NIPSNAP3B: variants seen among roughly 807,000 people sequenced by gnomAD.
The protein encoded by NIPSNAP3B is nipsnap homolog 3B, also known as protein NipSnap homolog 3B.
In NIPSNAP3B, 30 loss-of-function variants were observed where a neutral mutation model predicts 31.5. The observed-to-expected ratio is 0.95, with a 90% CI of 0.71 to 1.29. The LOEUF is 1.29. Among genes scored for constraint, NIPSNAP3B ranks in the 50% most tolerant of loss-of-function variants. The pLI, the probability that NIPSNAP3B is intolerant of heterozygous loss-of-function variation, is 0.00. For synonymous variants in NIPSNAP3B, 106 were observed against 107.9 expected (o/e 0.98, Z 0.11); for missense variants, 269 against 300.7 (o/e 0.89, Z 0.78).
rs762345917 is a variant in NIPSNAP3B at position 104,766,464 on chromosome 9, C to G, written c.200C>G (p.Ser67Cys). The G allele has an allele frequency of 3.7e-6, 6 of 1,613,812 alleles. No homozygotes were observed. The highest frequency in any genetic ancestry group is 5.1e-6 in the Non-Finnish European group (6 of 1,179,760). The change falls in exon 2 of 6, where the codon TCT (serine) becomes TGT (cysteine). Residue 67 changes from serine (S) to cysteine (C), a missense_variant. Ser to Cys is a moderately radical substitution (Grantham distance 112). Coordinates refer to ENST00000374762, the MANE Select transcript of NIPSNAP3B (RefSeq NM_018376.4). ...KKNIHLRTSY[S>C]ELVGFWSVEF... ...AACATTCATCTTCGGACCTCTTACT[C>G]TGAATTGGTTGGATTCTGGAGTGTA...
chr9:104,766,666 A>C, intron 2 of NIPSNAP3B, 131 bp downstream of exon 2: 1 of 843,542 alleles, frequency 1.2e-6, no homozygotes, highest in Non-Finnish European at 1.9e-6. Context: ...AAGCAATACC[A>C]AAAAAATAAA....
In NIPSNAP3B at chr9:104,769,700, A is replaced by C. The variant is rs1280693853; in HGVS notation, c.430+679A>C. 3.3e-5 allele frequency among the ~76,000 whole-genome samples: 5 copies of C among 152,198 alleles called. No homozygotes were observed. The East Asian group carries it at 9.6e-4, about 29-fold the overall frequency. ...CATGAAATTTTGTCACAGTTTTAAAATGTATAAACTTTTAAATATAAAAGT... is the reference window on the plus strand; with the variant it reads ...CATGAAATTTTGTCACAGTTTTAAACTGTATAAACTTTTAAATATAAAAGT... On this transcript the variant is annotated intron_variant, in intron 3 of 5. Transcript: ENST00000374762.
Position 104,773,197 on chromosome 9 carries a change from G to A in NIPSNAP3B, c.*124G>A. The A allele has an allele frequency of 3.3e-6, 3 of 919,204 alleles. No individual in the cohort carries two copies. The highest frequency in any genetic ancestry group is 3.4e-4 in the Middle Eastern group (1 of 2,980). 56.9% of individuals were successfully genotyped at this position (919,204 alleles called of 1,614,324 possible). A position where few individuals can be genotyped will look rare whatever the true frequency, so the allele number is the denominator to read the frequency against. ...AGGTGGTAAGTTAATTAGTTAATTT[G>A]CTGTGCTTCTTGCATTTTTGAAAGT... On this transcript the variant is annotated 3_prime_UTR_variant, in exon 6 of 6. Coordinates refer to ENST00000374762, the MANE Select transcript of NIPSNAP3B (RefSeq NM_018376.4).
intron 2 of NIPSNAP3B, among the ~76,000 whole-genome samples, chr9:104,767,342 C>G (rs1828110330): frequency 6.6e-6 from 1 of 152,084 alleles, no homozygotes; most frequent in African/African-American, 2.4e-5. Flanking sequence ...TGAAGCTGAC[C>G]TACCCCTGGT....
chr9:104,770,888 G>T lies in NIPSNAP3B; in HGVS notation c.470G>T (p.Gly157Val). 6.2e-7 allele frequency: 1 copy of T among 1,613,638 alleles called. No individual in the cohort carries two copies. The change falls in exon 4 of 6, where the codon GGG (glycine) becomes GTG (valine). Residue 157 changes from glycine (G) to valine (V), a missense_variant. Gly to Val is a moderately radical substitution (Grantham distance 109, BLOSUM62 -3). Transcript: ENST00000374762. ...GCTGTTTTTCAGATGAAACCTGGTG[G>T]GCCAGCTCTGTGGGGTGATGCATTT... ...ELAVFQMKPGGPALWGDAFER... is the reference protein window; with the variant it reads ...ELAVFQMKPGVPALWGDAFER...
chr9:104,788,584 A>G, the NIPSNAP3B span: 1 of 1,613,970 alleles, frequency 6.2e-7, no homozygotes, highest in East Asian at 2.2e-5. Context: ...AGGACAAGAA[A>G]ACTACTTAGA....
intron 4 of NIPSNAP3B, 30 bp downstream of exon 4, chr9:104,771,028 G>A (rs1828205124): frequency 6.2e-7 from 1 of 1,608,526 alleles, no homozygotes; most frequent in African/African-American, 1.3e-5. Context: ...CTATGAAGTT[G>A]CCATGTGTAT....
chr9:104,766,616 T>TGGTA, intron 2 of NIPSNAP3B, 81 bp downstream of exon 2: 3 of 1,345,210 alleles, frequency 2.2e-6, no homozygotes, highest in Non-Finnish European at 3.2e-6. Flanking sequence ...CTTGGATCTA[T>TGGTA]ATTACCATAG....
Position 104,776,126 on chromosome 9 carries a change from G to A in NIPSNAP3B, c.*3053G>A, listed in dbSNP as rs2472472. On this transcript the variant is annotated 3_prime_UTR_variant, in exon 6 of 6. Coordinates refer to ENST00000374762, the MANE Select transcript of NIPSNAP3B (RefSeq NM_018376.4). ...CCAAGCCTCTAACTGTGGTCTACAA[G>A]TCTTTACATGATCTGTCCTGTTACA... 0.021 allele frequency among the ~76,000 whole-genome samples: 3,238 copies of A among 152,250 alleles called. 70 individuals are homozygous for A. Among genetic ancestry groups the A allele is most frequent in the Non-Finnish European group, 0.035 (2,355 of 68,020 alleles).
rs114013566 is a variant in NIPSNAP3B, at chr9:104,765,699, G to A, written c.61-626G>A. Reference sequence around the variant, plus strand: ...AGTTTTTTTCCTTTTCAGCCTTTATGCAGTATACACCCATAGTACAATGCA... The same window carrying A: ...AGTTTTTTTCCTTTTCAGCCTTTATACAGTATACACCCATAGTACAATGCA... On this transcript the variant is annotated intron_variant, in intron 1 of 5. Transcript: ENST00000374762. 5.6e-3 allele frequency among the ~76,000 whole-genome samples: 857 copies of A among 152,224 alleles called. 12 individuals carry two copies. The highest frequency in any genetic ancestry group is 0.02 in the African/African-American group (810 of 41,526).
intron 1 of NIPSNAP3B, 39 bp downstream of exon 1, chr9:104,764,339 G>T: frequency 6.7e-7 from 1 of 1,501,426 alleles, no homozygotes. Context: ...CTGGCCGGAG[G>T]GGAGGGGAGG....
At chr9:104,778,958 C>T (rs1199428530), downstream of NIPSNAP3B, among the ~76,000 whole-genome samples, 2 of 152,172 alleles carry the variant, frequency 1.3e-5, no homozygotes, top group African/African-American at 4.8e-5. Flanking sequence ...TCTCCAGTTC[C>T]ACCCCCTGCC....
Position 104,772,866 on chromosome 9 carries a change from G to T in NIPSNAP3B, c.625G>T (p.Gly209Trp), listed in dbSNP as rs1204538518. The change falls in exon 5 of 6, where the codon GGG (glycine) becomes TGG (tryptophan). Residue 209 changes from glycine to tryptophan, a missense_variant. Coordinates refer to ENST00000374762, the MANE Select transcript of NIPSNAP3B (RefSeq NM_018376.4). Reference protein sequence around the residue: ...WNESADSRAAGRHKSHEDPRV... With the variant: ...WNESADSRAAWRHKSHEDPRV... ...TGAGAGTGCAGATAGTCGTGCAGCTGGGAGACATAAGTCCCATGAGGATCC... is the reference window on the plus strand; with the variant it reads ...TGAGAGTGCAGATAGTCGTGCAGCTTGGAGACATAAGTCCCATGAGGATCC... The T allele has an allele frequency of 6.2e-7, 1 of 1,613,478 alleles. No homozygotes were observed. Among genetic ancestry groups the T allele is most frequent in the Non-Finnish European group, 8.5e-7 (1 of 1,179,792 alleles).
chr9:104,782,840 G>A, the NIPSNAP3B span: 1 of 133,260 alleles, frequency 7.5e-6, no homozygotes, highest in Non-Finnish European at 1.6e-5. Flanking sequence ...CTTTTGCATT[G>A]TTGCAATTAA....
At chr9:104,786,217 A>G in the NIPSNAP3B span, 1 of 1,175,420 alleles carries the variant, frequency 8.5e-7, no homozygotes, top group Non-Finnish European at 1.3e-6. Context: ...TTTATGTTAG[A>G]GGCACCATTT....
the NIPSNAP3B span, chr9:104,786,422 A>G: frequency 6.3e-7 from 1 of 1,580,606 alleles, no homozygotes; most frequent in South Asian, 1.1e-5. Context: ...TTTTAGTTTT[A>G]GAGAGATTCT....
the NIPSNAP3B span, among the ~76,000 whole-genome samples, chr9:104,787,577 T>C: frequency 2.0e-3 from 312 of 152,330 alleles, 6 homozygotes; most frequent in Non-Finnish European, 8.1e-4. Flanking sequence ...AGTTGCTACC[T>C]TGGGGATTTT....
At chr9:104,770,324 G>T (rs910151317) in intron 3 of NIPSNAP3B, among the ~76,000 whole-genome samples, 2 of 152,084 alleles carry the variant, frequency 1.3e-5, no homozygotes, top group African/African-American at 2.4e-5. Flanking sequence ...CTCCTTGAGG[G>T]TTTTCTTTTT....
At chr9:104,768,733 C>A in intron 2 of NIPSNAP3B, 130 bp from the exon 3 acceptor site, 1 of 664,464 alleles carries the variant, frequency 1.5e-6, no homozygotes, top group Non-Finnish European at 2.5e-6. Flanking sequence ...TTTATGTTGG[C>A]ATCTCCAGCG....
Sources: gnomAD v4.1 joint callset for allele counts (sites outside exome capture counted in the v4.1 genomes callset) on GRCh38, gnomAD v4.1.1 for gene constraint, MANE v1.5 for transcripts, NCBI Gene and HGNC (gene_info 2026-07-23, HGNC 2026-07-21) for gene names.